JAKMIP3: variants seen among roughly 807,000 people sequenced by gnomAD.
JAKMIP3 encodes janus kinase and microtubule-interacting protein 3.
In JAKMIP3, 58 loss-of-function variants were observed where a neutral mutation model predicts 118.5. The observed-to-expected ratio is 0.49, with a 90% CI of 0.40 to 0.61. The LOEUF (loss-of-function observed/expected upper bound fraction) is 0.61. Among genes scored for constraint, JAKMIP3 ranks in the 20% least tolerant of loss-of-function variants. JAKMIP3 has a pLI of 0.00. For synonymous variants in JAKMIP3, 486 were observed against 451.2 expected (o/e 1.08, Z -0.98); for missense variants, 950 against 1,109.0 (o/e 0.86, Z 2.04).
chr10:132,093,594 A>G (rs988407375), intron 1 of JAKMIP3, among the ~76,000 whole-genome samples: 28 of 152,154 alleles, frequency 1.8e-4, no homozygotes, highest in Non-Finnish European at 2.8e-4. Flanking sequence ...GAAGAGCACA[A>G]TATTAGGGTA....
intron 22 of JAKMIP3, 35 bp from the exon 23 acceptor site, chr10:132,167,918 C>T (rs2637650): frequency 0.23 from 293,445 of 1,277,842 alleles, 35,272 homozygotes; most frequent in Middle Eastern, 0.27. Flanking sequence ...AGCGGAGCCT[C>T]GCTGACTCTG....
chr10:132,180,598 CGTGCGCGTGT>C (rs2060836257), intron 23 of JAKMIP3, among the ~76,000 whole-genome samples: 5 of 7,368 alleles, frequency 6.8e-4, no homozygotes, highest in East Asian at 6.3e-3. Flanking sequence ...TGTGTGTGTG[CGTGCGCGTGT>C]GTGTGTGCGT....
chr10:132,098,004 C>CTTTCCCTTTCCT (rs1199956471), intron 1 of JAKMIP3, among the ~76,000 whole-genome samples: 18,057 of 48,852 alleles, frequency 0.37, 6,083 homozygotes, highest in Non-Finnish European at 0.46. Context: ...TCCCCTTCCC[C>CTTTCCCTTTCCT]TCCTTCCTTT....
intron 1 of JAKMIP3, among the ~76,000 whole-genome samples, chr10:132,071,245 G>A (rs1029844490): frequency 1.3e-5 from 2 of 148,300 alleles, no homozygotes; most frequent in South Asian, 2.2e-4. Context: ...CGTATTTCTC[G>A]TTCAATTTCT....
chr10:132,114,812 G>A (rs537867339), intron 2 of JAKMIP3, among the ~76,000 whole-genome samples: 1 of 152,082 alleles, frequency 6.6e-6, no homozygotes, highest in East Asian at 1.9e-4. Context: ...CGAGGTCTTG[G>A]GCGTGTTTTC....
intron 1 of JAKMIP3, among the ~76,000 whole-genome samples, chr10:132,093,209 G>A (rs1329875693): frequency 6.6e-6 from 1 of 152,154 alleles, no homozygotes; most frequent in Non-Finnish European, 1.5e-5. Flanking sequence ...TAGGCTACTC[G>A]GGGGTCAGGG....
intron 23 of JAKMIP3, chr10:132,181,270 C>T: frequency 6.6e-6 from 1 of 152,294 alleles, no homozygotes; most frequent in African/African-American, 2.4e-5. Flanking sequence ...TTTTAAAATT[C>T]AGCATCATAT....
At chr10:132,043,388 G>A (rs1376115874) in intron 1 of JAKMIP3, among the ~76,000 whole-genome samples, 1 of 151,972 alleles carries the variant, frequency 6.6e-6, no homozygotes, top group East Asian at 1.9e-4. Flanking sequence ...TTGTGTGTGT[G>A]TGTGTATGTT....
chr10:132,069,181 G>A (rs529244020), intron 1 of JAKMIP3, among the ~76,000 whole-genome samples: 1 of 152,224 alleles, frequency 6.6e-6, no homozygotes, highest in Admixed American at 6.5e-5. Flanking sequence ...GTGGGTGGTT[G>A]ACCCAGGACT....
In JAKMIP3 at chr10:132,131,839, C is replaced by T. The variant is rs150458290; in HGVS notation, c.634-1473C>T. On this transcript the variant is annotated intron_variant, in intron 3 of 23. Transcript: ENST00000684848. ...CAGGTGGGACAGGAGACAGGTGTGCCGCCCCCCACCCACAGCCCCATGGGA... is the reference window on the plus strand; with the variant it reads ...CAGGTGGGACAGGAGACAGGTGTGCTGCCCCCCACCCACAGCCCCATGGGA... Among the ~76,000 whole-genome samples, 882 of 152,224 alleles carry T rather than the reference C, an allele frequency of 5.8e-3. 5 individuals are homozygous for T. Among genetic ancestry groups the T allele is most frequent in the Non-Finnish European group, 9.6e-3 (655 of 67,990 alleles).
intron 17 of JAKMIP3, 119 bp downstream of exon 17, chr10:132,153,142 A>G: frequency 1.3e-6 from 1 of 754,196 alleles, no homozygotes; most frequent in Non-Finnish European, 2.3e-6. Flanking sequence ...TGGGGGGTCC[A>G]CTAAGCCCCG....
chr10:132,145,630 G>A (rs774361901), intron 13 of JAKMIP3, 50 bp downstream of exon 13: 1 of 1,472,044 alleles, frequency 6.8e-7, no homozygotes, highest in Non-Finnish European at 9.3e-7. Context: ...CTATGCTCCT[G>A]GGGGTTGCAG....
chr10:132,081,206 C>CATTT (rs1488092180), intron 1 of JAKMIP3, among the ~76,000 whole-genome samples: 2 of 152,188 alleles, frequency 1.3e-5, no homozygotes, highest in Admixed American at 1.3e-4. Flanking sequence ...GAAAGACTAT[C>CATTT]ATTTCCCCAT....
At chr10:132,108,610 A>ACCCCT (rs1262795422) in intron 2 of JAKMIP3, among the ~76,000 whole-genome samples, 8 of 125,984 alleles carry the variant, frequency 6.4e-5, no homozygotes, top group Non-Finnish European at 1.2e-4. Flanking sequence ...TCCTTGCCCC[A>ACCCCT]CCCCTCCCCT....
chr10:132,160,450 G>A (rs866669256), intron 19 of JAKMIP3, among the ~76,000 whole-genome samples: 60 of 36,116 alleles, frequency 1.7e-3, no homozygotes, highest in Non-Finnish European at 2.3e-3. Context: ...ATGCTGGGGG[G>A]GTCTCTTCCT....
intron 1 of JAKMIP3, among the ~76,000 whole-genome samples, chr10:132,069,554 T>C (rs2039485144): frequency 6.6e-6 from 1 of 152,050 alleles, no homozygotes; most frequent in African/African-American, 2.4e-5. Flanking sequence ...TGTTTGAAGC[T>C]GTCTCACATG....
rs777576448 is a variant in JAKMIP3, at chr10:132,117,500, C to T, written c.559C>T (p.Arg187Cys). Reference protein sequence around the residue: ...QADKIKAAEIRSVYHLHQEEI... With the variant: ...QADKIKAAEICSVYHLHQEEI... ...GGACAAGATCAAGGCCGCAGAGATC[C>T]GCAGCGTGTACCACCTGCACCAGGA... Residue 187 changes from arginine to cysteine, a missense_variant, in exon 3 of 24, where the codon CGC (arginine) becomes TGC (cysteine). Arg to Cys is a radical substitution (Grantham distance 180). Coordinates refer to ENST00000684848, the MANE Select transcript of JAKMIP3 (RefSeq NM_001323087.2). The surrounding 1 kb of genome is among the most constrained non-coding windows in gnomAD (Gnocchi z 8.6). 5.6e-6 allele frequency: 9 copies of T among 1,610,904 alleles called. No individual in the cohort carries two copies. The highest frequency in any genetic ancestry group is 3.3e-5 in the South Asian group (3 of 90,746).
At chr10:132,116,090 T>A (rs754971233) in intron 2 of JAKMIP3, among the ~76,000 whole-genome samples, 1 of 152,254 alleles carries the variant, frequency 6.6e-6, no homozygotes, top group Non-Finnish European at 1.5e-5. Flanking sequence ...CTGGGCTATT[T>A]TGCTTCTTAG....
chr10:132,182,633 C>T lies in JAKMIP3; in HGVS notation c.*1380C>T, dbSNP rs1337723356. 4 of 152,198 alleles carry T rather than the reference C, an allele frequency of 2.6e-5. No individual in the cohort carries two copies. The highest frequency in any genetic ancestry group is 9.7e-5 in the African/African-American group (4 of 41,428). The allele number at this position is 152,198 out of a possible 1,614,324, so 9.4% of individuals were successfully genotyped here. A position where few individuals can be genotyped will look rare whatever the true frequency, so the allele number is the denominator to read the frequency against. ...AGCCATTCGTGGGATTTAGCCATTT[C>T]GAGGCACCTAGAAGTTGAGGCAGCC... On this transcript the variant is annotated 3_prime_UTR_variant, in exon 24 of 24. Coordinates refer to ENST00000684848, the MANE Select transcript of JAKMIP3 (RefSeq NM_001323087.2).
Sources: allele counts gnomAD v4.1 joint callset (sites outside exome capture counted in the v4.1 genomes callset), GRCh38; gene constraint gnomAD v4.1.1; non-coding constraint Gnocchi (gnomAD v3.1); transcripts MANE v1.5; gene names NCBI Gene and HGNC (gene_info 2026-07-23, HGNC 2026-07-21).